Variants in RAB31 observed in about 807,000 individuals in gnomAD.
RAB31 encodes the protein RAB31, member RAS oncogene family, also known as ras-related protein Rab-31.
A neutral mutation model predicts 25.6 loss-of-function variants in RAB31; 21 were observed. The observed-to-expected ratio is 0.82, with a 90% confidence interval of 0.58 to 1.18. The LOEUF (loss-of-function observed/expected upper bound fraction) is 1.18, where lower values mean the gene tolerates loss of function less well. Among genes scored for constraint, RAB31 ranks in the 50% most tolerant of loss-of-function variants. RAB31 has a pLI of 0.00. For missense variants in RAB31, 196 were observed against 250.1 expected (o/e 0.78, Z 1.46); for synonymous variants, 87 against 84.0 (o/e 1.04, Z -0.20).
At position 9,708,655 on chromosome 18, in the gene RAB31, C is replaced by T. The variant is rs1453308875; in HGVS notation, c.39+211C>T. ...CCCCTCGCTCTCCGCGCCCCTCGCT[C>T]TCCGCACCCCGCCTGTTCTCCGCCT... On this transcript the variant is annotated intron_variant, in intron 1 of 6. Coordinates refer to ENST00000578921, the MANE Select transcript of RAB31 (RefSeq NM_006868.4). This position sits in a 1 kb window ranked among gnomAD's most constrained non-coding sequence, Gnocchi z 6.4. 6.6e-6 allele frequency among the ~76,000 whole-genome samples: 1 copy of T among 151,976 alleles called. No individual in the cohort carries two copies. The highest frequency in any genetic ancestry group is 2.4e-5 in the African/African-American group (1 of 41,388).
chr18:9,783,006 A>C (rs1405208679), intron 2 of RAB31, among the ~76,000 whole-genome samples: 1 of 152,232 alleles, frequency 6.6e-6, no homozygotes, highest in South Asian at 2.1e-4. Flanking sequence ...GTCAACAAAA[A>C]AAAGCAATGA....
chr18:9,737,528 G>A (rs1818866837), intron 1 of RAB31, among the ~76,000 whole-genome samples: 1 of 152,146 alleles, frequency 6.6e-6, no homozygotes, highest in African/African-American at 2.4e-5. Flanking sequence ...GCTTGGTGTT[G>A]GGCGGGGAAA....
chr18:9,772,393 G>GT (rs1422389641), intron 1 of RAB31, among the ~76,000 whole-genome samples: 1 of 152,228 alleles, frequency 6.6e-6, no homozygotes, highest in Non-Finnish European at 1.5e-5. Context: ...AAATCGAGGA[G>GT]TTGTCTCCTG....
intron 3 of RAB31, among the ~76,000 whole-genome samples, chr18:9,805,901 G>A (rs1266820427): frequency 1.3e-5 from 2 of 151,914 alleles, no homozygotes; most frequent in Non-Finnish European, 2.9e-5. Context: ...TCGACTGGGC[G>A]CAGTGGCTCA....
intron 1 of RAB31, among the ~76,000 whole-genome samples, chr18:9,727,338 A>G (rs1222197205): frequency 6.6e-6 from 1 of 152,164 alleles, no homozygotes; most frequent in Non-Finnish European, 1.5e-5. Context: ...TTGTTTAGAG[A>G]CAGGGTCTCT....
chr18:9,784,306 C>G (rs2145495847), intron 2 of RAB31, among the ~76,000 whole-genome samples: 1 of 152,012 alleles, frequency 6.6e-6, no homozygotes, highest in Admixed American at 6.6e-5. Context: ...TCCCAAAGTG[C>G]TGGGATTACA....
At chr18:9,812,767 A>G (rs2068580434) in intron 3 of RAB31, among the ~76,000 whole-genome samples, 1 of 131,026 alleles carries the variant, frequency 7.6e-6, no homozygotes, top group African/African-American at 3.0e-5. Flanking sequence ...TTGCAATCTT[A>G]GCTCACTGCA....
chr18:9,758,612 C>T (rs775164976), intron 1 of RAB31, among the ~76,000 whole-genome samples: 1 of 152,102 alleles, frequency 6.6e-6, no homozygotes, highest in Admixed American at 6.5e-5. Context: ...TTGTCACAGT[C>T]GATGCTACTT....
At chr18:9,856,235 C>T (rs927325014) in intron 6 of RAB31, 1 of 152,172 alleles carries the variant, frequency 6.6e-6, no homozygotes, top group African/African-American at 2.4e-5. Context: ...GGAGGGGAGT[C>T]TTCTTGAGAC....
At chr18:9,781,525 C>A (rs1488018991) in intron 2 of RAB31, among the ~76,000 whole-genome samples, 1 of 152,210 alleles carries the variant, frequency 6.6e-6, no homozygotes, top group East Asian at 1.9e-4. Flanking sequence ...GTTGGCCAGG[C>A]TGGTCTCGAG....
intron 5 of RAB31, among the ~76,000 whole-genome samples, chr18:9,840,966 T>C (rs62081249): frequency 0.35 from 53,118 of 151,582 alleles, 10,696 homozygotes; most frequent in Non-Finnish European, 0.45. Flanking sequence ...CTCACTCTGT[T>C]ACCCAAGCGA....
chr18:9,826,986 T>C (rs1363376429), intron 5 of RAB31, among the ~76,000 whole-genome samples: 1 of 152,114 alleles, frequency 6.6e-6, no homozygotes, highest in African/African-American at 2.4e-5. Flanking sequence ...AATAAGTCAT[T>C]CCTTGGGAGA....
intron 2 of RAB31, among the ~76,000 whole-genome samples, chr18:9,784,875 T>C (rs911913379): frequency 6.6e-6 from 1 of 152,154 alleles, no homozygotes; most frequent in Non-Finnish European, 1.5e-5. Flanking sequence ...TATTGATCTA[T>C]ATTCATAGAA....
At chr18:9,734,220 C>A (rs993689572) in intron 1 of RAB31, among the ~76,000 whole-genome samples, 1 of 152,118 alleles carries the variant, frequency 6.6e-6, no homozygotes, top group Non-Finnish European at 1.5e-5. Flanking sequence ...GAACTCCTTC[C>A]CTGCACTGTC....
intron 1 of RAB31, among the ~76,000 whole-genome samples, chr18:9,748,367 A>G (rs1285375228): frequency 6.6e-6 from 1 of 151,782 alleles, no homozygotes; most frequent in Non-Finnish European, 1.5e-5. Context: ...TTAGCCAGGC[A>G]TGGTGGCATG....
intron 1 of RAB31, among the ~76,000 whole-genome samples, chr18:9,745,813 GCA>G (rs2068202587): frequency 6.6e-6 from 1 of 152,216 alleles, no homozygotes; most frequent in Non-Finnish European, 1.5e-5. Flanking sequence ...CCCACAGCTA[GCA>G]TCCTGTTCAA....
intron 5 of RAB31, among the ~76,000 whole-genome samples, chr18:9,839,899 G>A (rs1161402318): frequency 2.0e-5 from 3 of 152,202 alleles, no homozygotes; most frequent in Non-Finnish European, 2.9e-5. Flanking sequence ...TTGTGGTCCC[G>A]CAGCCGTTCC....
intron 1 of RAB31, among the ~76,000 whole-genome samples, chr18:9,746,778 C>G (rs1351939023): frequency 1.3e-5 from 2 of 152,152 alleles, no homozygotes; most frequent in South Asian, 4.1e-4. Flanking sequence ...ATTCAAAATG[C>G]TCAATGACCT....
chr18:9,713,719 A>G (rs1175897538), intron 1 of RAB31, among the ~76,000 whole-genome samples: 2 of 152,302 alleles, frequency 1.3e-5, no homozygotes, highest in South Asian at 2.1e-4. Context: ...CAAAAATACC[A>G]TAGGCTGGAG....
Sources: gnomAD v4.1 joint callset for allele counts (sites outside exome capture counted in the v4.1 genomes callset) on GRCh38, gnomAD v4.1.1 for gene constraint, Gnocchi (gnomAD v3.1) non-coding constraint, MANE v1.5 for transcripts, NCBI Gene and HGNC (gene_info 2026-07-23, HGNC 2026-07-21) for gene names.